Variants in ACAD11 observed in about 807,000 individuals in gnomAD.
The protein encoded by ACAD11 is acyl-Coenzyme A dehydrogenase family, member 11.
ACAD11 carries 83 observed loss-of-function variants against 102.2 expected under a neutral mutation model. That is an observed-to-expected ratio of 0.81 (90% CI 0.68 to 0.97). ACAD11 has a LOEUF of 0.97. Ranked by LOEUF, ACAD11 falls within the 50% of genes least tolerant of loss-of-function variation. The pLI, the probability that ACAD11 is intolerant of heterozygous loss-of-function variation, is 0.00. For missense variants in ACAD11, 901 were observed against 951.7 expected (o/e 0.95, Z 0.70); for synonymous variants, 324 against 319.8 (o/e 1.01, Z -0.14).
At chr3:132,589,415 T>C (rs72998148) in intron 13 of ACAD11, among the ~76,000 whole-genome samples, 5,155 of 152,310 alleles carry the variant, frequency 0.034, 145 homozygotes, top group South Asian at 0.072. Context: ...TATGCAATAA[T>C]ATGCAATCAT....
chr3:132,560,300 T>A (rs1040433207), intron 18 of ACAD11, among the ~76,000 whole-genome samples: 2 of 152,162 alleles, frequency 1.3e-5, no homozygotes, highest in African/African-American at 4.8e-5. Context: ...GCTTTTAGAA[T>A]TAAATGATTA....
At chr3:132,563,757 A>C (rs1002413708) in intron 17 of ACAD11, among the ~76,000 whole-genome samples, 2 of 152,036 alleles carry the variant, frequency 1.3e-5, no homozygotes, top group African/African-American at 4.8e-5. Context: ...TTTTCCCCCA[A>C]CTACATGCAC....
In ACAD11 at chr3:132,603,300, G is replaced by A. The variant is rs746052184; in HGVS notation, c.1550C>T (p.Thr517Met). The A allele has an allele frequency of 6.8e-6, 11 of 1,613,716 alleles. No individual in the cohort carries two copies. The highest frequency in any genetic ancestry group is 2.7e-5 in the African/African-American group (2 of 74,880). The change falls in exon 13 of 20, where the codon ACG becomes ATG. Residue 517 changes from threonine (T) to methionine (M), a missense_variant. Coordinates refer to ENST00000264990, the MANE Select transcript of ACAD11 (RefSeq NM_032169.5). ...TCGTTGGATGCTGCATTCAATATTC[G>A]TGGCATCACTTGAAGCTACATCAGG... Reference protein sequence around the residue: ...TEPDVASSDATNIECSIQRDE... With the variant: ...TEPDVASSDAMNIECSIQRDE...
chr3:132,617,260 A>G (rs1335376583), intron 11 of ACAD11, among the ~76,000 whole-genome samples: 1 of 152,156 alleles, frequency 6.6e-6, no homozygotes, highest in African/African-American at 2.4e-5. Context: ...CTGAATCAGA[A>G]TCTCTAGGGA....
At chr3:132,586,956 T>C (rs1455333905) in intron 13 of ACAD11, among the ~76,000 whole-genome samples, 1 of 152,040 alleles carries the variant, frequency 6.6e-6, no homozygotes, top group Non-Finnish European at 1.5e-5. Flanking sequence ...TAGCCAGGCA[T>C]GGTGGTGGGC....
intron 3 of ACAD11, 77 bp from the exon 4 acceptor site, chr3:132,642,210 T>G: frequency 7.5e-7 from 1 of 1,335,938 alleles, no homozygotes; most frequent in Non-Finnish European, 1.0e-6. Context: ...AAACATTCAT[T>G]TGTGAAACAT....
chr3:132,570,232 C>G (rs1347141866), intron 17 of ACAD11, among the ~76,000 whole-genome samples: 1 of 152,102 alleles, frequency 6.6e-6, no homozygotes, highest in African/African-American at 2.4e-5. Flanking sequence ...AAAACGTGTC[C>G]AGCAGGCTCT....
At chr3:132,619,268 T>A (rs1257862170) in intron 10 of ACAD11, among the ~76,000 whole-genome samples, 200 bp downstream of exon 10, 4 of 152,218 alleles carry the variant, frequency 2.6e-5, no homozygotes, top group Non-Finnish European at 5.9e-5. Context: ...TGTAAGAGGT[T>A]GTCTTCATTA....
At position 132,655,768 on chromosome 3, in the gene ACAD11, A is replaced by T. The variant is rs1462611787; in HGVS notation, c.149+3835T>A. Among the ~76,000 whole-genome samples the T allele has an allele frequency of 3.3e-5, 5 of 152,308 alleles. No individual in the cohort carries two copies. In the South Asian group the frequency reaches 1.0e-3, roughly 32 times the overall value. ...TCCAGGGAGGCAAGATTATTGTTACATCCTCAGTGGTTGATACAGTGCCAG... is the reference window on the plus strand; with the variant it reads ...TCCAGGGAGGCAAGATTATTGTTACTTCCTCAGTGGTTGATACAGTGCCAG... On this transcript the variant is annotated intron_variant, in intron 1 of 19. Coordinates refer to ENST00000264990, the MANE Select transcript of ACAD11 (RefSeq NM_032169.5).
At chr3:132,568,838 C>A (rs903872725) in intron 17 of ACAD11, among the ~76,000 whole-genome samples, 2 of 138,182 alleles carry the variant, frequency 1.4e-5, no homozygotes, top group Admixed American at 7.0e-5. Flanking sequence ...GAAGCTTGAC[C>A]TAAGTTTCAT....
chr3:132,603,080 G>T, intron 13 of ACAD11, 149 bp downstream of exon 13: 3 of 646,742 alleles, frequency 4.6e-6, no homozygotes, highest in Non-Finnish European at 7.8e-6. Context: ...TGGGATTACA[G>T]GTGTTAGCCA....
At chr3:132,628,577 C>T (rs757787087) in intron 7 of ACAD11, 131 bp from the exon 8 acceptor site, 19 of 577,480 alleles carry the variant, frequency 3.3e-5, no homozygotes, top group Non-Finnish European at 4.8e-5. Context: ...AGACTATCGA[C>T]GATATTAATG....
chr3:132,572,041 A>C (rs1189333715), intron 17 of ACAD11, among the ~76,000 whole-genome samples: 5 of 152,212 alleles, frequency 3.3e-5, no homozygotes, highest in African/African-American at 9.7e-5. Flanking sequence ...CTCCTATTCA[A>C]CACAGTATTG....
chr3:132,590,577 C>T (rs1419245423), intron 13 of ACAD11, among the ~76,000 whole-genome samples: 1 of 152,164 alleles, frequency 6.6e-6, no homozygotes, highest in African/African-American at 2.4e-5. Context: ...TCTGGGGAAT[C>T]TCCATACTGC....
intron 5 of ACAD11, among the ~76,000 whole-genome samples, chr3:132,633,085 G>A (rs1940118417): frequency 6.6e-6 from 1 of 152,062 alleles, no homozygotes; most frequent in African/African-American, 2.4e-5. Context: ...CTGCCTGATT[G>A]CCTGGCCAGA....
At position 132,588,222 on chromosome 3, in the gene ACAD11, T is replaced by TATGTATGC. The variant is rs567667896; in HGVS notation, c.1622-8665_1622-8664insGCATACAT. ...GTATGTATGTATGTATGTATGTATGTATGCATGTAGGTATTTTGTAGCTTT... is the reference window on the plus strand; with the variant it reads ...GTATGTATGTATGTATGTATGTATGTATGTATGCATGCATGTAGGTATTTTGTAGCTTT... On this transcript the variant is annotated intron_variant, in intron 13 of 19. Transcript: ENST00000264990. Among the ~76,000 whole-genome samples the TATGTATGC allele has an allele frequency of 1.0e-3, 154 of 152,224 alleles. 1 individual carries two copies. Among genetic ancestry groups the TATGTATGC allele is most frequent in the African/African-American group, 3.5e-3 (146 of 41,522 alleles).
intron 2 of ACAD11, among the ~76,000 whole-genome samples, chr3:132,643,081 G>C (rs1041770274): frequency 1.3e-5 from 2 of 152,188 alleles, no homozygotes; most frequent in Non-Finnish European, 2.9e-5. Context: ...GAAGGCAATA[G>C]TTACTGTTCA....
At chr3:132,589,996 A>T (rs1331086824) in intron 13 of ACAD11, among the ~76,000 whole-genome samples, 1 of 152,200 alleles carries the variant, frequency 6.6e-6, no homozygotes, top group South Asian at 2.1e-4. Context: ...GCTAAGGATA[A>T]TAGCCTCCAG....
rs552054256 is a variant in ACAD11 at position 132,584,476 on chromosome 3, T to G, written c.1622-4918A>C. On this transcript the variant is annotated intron_variant, in intron 13 of 19. Coordinates refer to ENST00000264990, the MANE Select transcript of ACAD11 (RefSeq NM_032169.5). ...GTCTCTGCACGTGAGATGGGTTTCC[T>G]GAATACAGTACACTGATGGGTCTTG... Among the ~76,000 whole-genome samples, 10 of 152,344 alleles carry G rather than the reference T, an allele frequency of 6.6e-5. No homozygotes were observed. In the East Asian group the frequency reaches 1.9e-3, roughly 29 times the overall value.
Sources: allele counts gnomAD v4.1 joint callset (sites outside exome capture counted in the v4.1 genomes callset), GRCh38; gene constraint gnomAD v4.1.1; transcripts MANE v1.5; gene names NCBI Gene and HGNC (gene_info 2026-07-23, HGNC 2026-07-21).